The following PDE1A variants were observed in gnomAD, a reference collection of about 807,000 sequenced individuals.
The protein encoded by PDE1A is phosphodiesterase 1A, also known as dual specificity calcium/calmodulin-dependent 3',5'-cyclic nucleotide phosphodiesterase 1A.
In PDE1A, 35 loss-of-function variants were observed where a neutral mutation model predicts 61.7. That is an observed-to-expected ratio of 0.57 (90% CI 0.43 to 0.75). The LOEUF (loss-of-function observed/expected upper bound fraction) is 0.75. Among genes scored for constraint, PDE1A ranks in the 30% least tolerant of loss-of-function variants. The probability of loss-of-function intolerance (pLI) is 0.00; values close to 1 mark genes in which losing one functional copy is unlikely to be tolerated. For synonymous variants in PDE1A, 232 were observed against 213.2 expected (o/e 1.09, Z -0.77); for missense variants, 597 against 630.6 (o/e 0.95, Z 0.57).
chr2:182,260,983 A>G (rs538975439), intron 2 of PDE1A, among the ~76,000 whole-genome samples: 55 of 152,194 alleles, frequency 3.6e-4, no homozygotes, highest in Non-Finnish European at 6.5e-4. Flanking sequence ...CTCATATACA[A>G]TCTGGTAATA....
chr2:182,145,493 C>T (rs1690447178), downstream of PDE1A, among the ~76,000 whole-genome samples: 1 of 152,074 alleles, frequency 6.6e-6, no homozygotes, highest in Admixed American at 6.6e-5. Flanking sequence ...TTTGGGAGGC[C>T]GAGGCAGACG....
At chr2:182,673,607 AT>A in the PDE1A span, among the ~76,000 whole-genome samples, 2 of 152,006 alleles carry the variant, frequency 1.3e-5, no homozygotes, top group African/African-American at 4.8e-5. Context: ...TAAATAAGTA[AT>A]TTTTTAGTAT....
exon 9 of PDE1A, chr2:182,201,734 A>C: frequency 6.2e-7 from 1 of 1,612,602 alleles, no homozygotes; most frequent in Non-Finnish European, 8.5e-7. Context: ...ATTTGCTGGA[A>C]GTGACCTGAC....
chr2:182,555,096 G>A, the PDE1A span, among the ~76,000 whole-genome samples: 1 of 152,136 alleles, frequency 6.6e-6, no homozygotes, highest in Non-Finnish European at 1.5e-5. Flanking sequence ...TCACTCCTGG[G>A]CAATGACTCA....
At chr2:182,427,443 T>C (rs1703690450), upstream of PDE1A, among the ~76,000 whole-genome samples, 1 of 152,152 alleles carries the variant, frequency 6.6e-6, no homozygotes, top group Admixed American at 6.5e-5. Context: ...CAGATGTCTG[T>C]ACCCAAATGT....
the PDE1A span, among the ~76,000 whole-genome samples, chr2:182,616,948 C>T: frequency 6.6e-6 from 1 of 152,166 alleles, no homozygotes; most frequent in African/African-American, 2.4e-5. Context: ...ATGCCTTATG[C>T]CAGACTTCCT....
At chr2:182,485,865 A>G (rs1483730131) in intron 2 of PDE1A, among the ~76,000 whole-genome samples, 1 of 152,018 alleles carries the variant, frequency 6.6e-6, no homozygotes, top group East Asian at 1.9e-4. Context: ...CATCTAAGAG[A>G]AGCATTGAAC....
intron 2 of PDE1A, among the ~76,000 whole-genome samples, chr2:182,490,059 TG>T (rs1342433378): frequency 1.1e-5 from 1 of 88,874 alleles, no homozygotes; most frequent in East Asian, 3.0e-4. Flanking sequence ...ACCAATAAAG[TG>T]TTATTCTGGA....
At chr2:182,691,520 A>G in the PDE1A span, among the ~76,000 whole-genome samples, 1 of 152,370 alleles carries the variant, frequency 6.6e-6, no homozygotes, top group Middle Eastern at 3.4e-3. Flanking sequence ...ACCTTATACA[A>G]AAATTAATTA....
At chr2:182,503,239 G>A (rs1008674141) in intron 2 of PDE1A, among the ~76,000 whole-genome samples, 4 of 152,136 alleles carry the variant, frequency 2.6e-5, no homozygotes, top group Non-Finnish European at 5.9e-5. Context: ...CCTTCACGTG[G>A]ACAAAGGTCA....
chr2:182,700,583 G>A, the PDE1A span, among the ~76,000 whole-genome samples: 2 of 151,944 alleles, frequency 1.3e-5, no homozygotes, highest in East Asian at 3.9e-4. Context: ...TTAGCCAGGT[G>A]TGGTGGCAGG....
chr2:182,217,564 A>T (rs1688306594), intron 7 of PDE1A, among the ~76,000 whole-genome samples: 1 of 147,784 alleles, frequency 6.8e-6, no homozygotes, highest in African/African-American at 2.5e-5. Flanking sequence ...ACTCAAACAA[A>T]TTTACAAGAA....
intron 1 of PDE1A, among the ~76,000 whole-genome samples, chr2:182,349,648 A>G (rs1017925598): frequency 1.6e-4 from 25 of 152,118 alleles, no homozygotes; most frequent in African/African-American, 5.8e-4. Context: ...TTAAAACACA[A>G]ACATCGGAGG....
chr2:182,445,146 C>T lies in PDE1A; in HGVS notation c.101+77130G>A, dbSNP rs549305664. Among the ~76,000 whole-genome samples, 9 of 152,136 alleles carry T rather than the reference C, an allele frequency of 5.9e-5. No individual in the cohort carries two copies. In the South Asian group the frequency reaches 8.3e-4, roughly 14 times the overall value. ...GATCATATTTTCCCCAGCATTTACG[C>T]CTTATGCAGGCAAAAAGAAAAGTTT... On this transcript the variant is annotated intron_variant, in intron 2 of 14. Coordinates refer to the PDE1A transcript ENST00000410103.
chr2:182,241,772 A>T (rs1690531748), intron 2 of PDE1A: 4 of 1,338,614 alleles, frequency 3.0e-6, no homozygotes, highest in Non-Finnish European at 4.0e-6. Flanking sequence ...AAATATTTAG[A>T]GTTGAATGTT....
intron 1 of PDE1A, among the ~76,000 whole-genome samples, chr2:182,378,067 C>T (rs1020482808): frequency 2.0e-5 from 3 of 152,090 alleles, no homozygotes; most frequent in African/African-American, 4.8e-5. Flanking sequence ...AGGAAGGTCT[C>T]GATCTCCTGA....
At chr2:182,451,569 T>C (rs1401441983) in intron 2 of PDE1A, among the ~76,000 whole-genome samples, 1 of 152,076 alleles carries the variant, frequency 6.6e-6, no homozygotes, top group Admixed American at 6.6e-5. Flanking sequence ...AAAATGTTAA[T>C]TTTTTTATAA....
intron 13 of PDE1A, among the ~76,000 whole-genome samples, chr2:182,152,412 CTTTTTTTTT>C (rs559392112): frequency 6.6e-5 from 5 of 75,292 alleles, no homozygotes; most frequent in African/African-American, 2.1e-4. Flanking sequence ...TTTTTTTCCT[CTTTTTTTTT>C]TTTTTTTTTT....
chr2:182,372,683 C>T lies in PDE1A; in HGVS notation c.53+53895G>A, dbSNP rs1053621767. 3.3e-5 allele frequency among the ~76,000 whole-genome samples: 5 copies of T among 152,174 alleles called. No homozygotes were observed. In the South Asian group the frequency reaches 6.2e-4, roughly 19 times the overall value. The stretch of plus-strand genomic sequence containing the variant: ...TTAAGAGGGTGCTATGCCACAATCT[C>T]AGGTCCAAATTCCAAAGTTATTCAT... On this transcript the variant is annotated intron_variant, in intron 1 of 13. Coordinates refer to ENST00000351439, the Ensembl canonical transcript of PDE1A.
Sources: gnomAD v4.1 joint callset for allele counts (sites outside exome capture counted in the v4.1 genomes callset) on GRCh38, gnomAD v4.1.1 for gene constraint, MANE v1.5 for transcripts, NCBI Gene and HGNC (gene_info 2026-07-23, HGNC 2026-07-21) for gene names.